RETREG1: variants seen among roughly 807,000 people sequenced by gnomAD.
RETREG1 encodes the protein family with sequence similarity 134 member B.
A neutral mutation model predicts 54.8 loss-of-function variants in RETREG1; 44 were observed. That is an observed-to-expected ratio of 0.80 (90% CI 0.63 to 1.03). The LOEUF is 1.03. Among genes scored for constraint, RETREG1 ranks in the 50% least tolerant of loss-of-function variants. The probability of loss-of-function intolerance (pLI) is 0.00; values close to 1 mark genes in which losing one functional copy is unlikely to be tolerated. For missense variants in RETREG1, 554 were observed against 605.1 expected, an observed-to-expected ratio of 0.92 and a Z score of 0.89; for synonymous variants, 217 against 238.5, an observed-to-expected ratio of 0.91 and a Z score of 0.83.
At chr5:16,535,644 T>G (rs1741045068) in intron 3 of RETREG1, among the ~76,000 whole-genome samples, 1 of 145,390 alleles carries the variant, frequency 6.9e-6, no homozygotes, top group Non-Finnish European at 1.5e-5. Context: ...CTGGGGTTCC[T>G]GTGTGCACGC....
At chr5:16,518,786 T>TGAAAGAATACAA (rs1740440314) in intron 3 of RETREG1, among the ~76,000 whole-genome samples, 1 of 152,106 alleles carries the variant, frequency 6.6e-6, no homozygotes. Context: ...ATGTGTTGGC[T>TGAAAGAATACAA]GAAAGAATAC....
intron 1 of RETREG1, among the ~76,000 whole-genome samples, chr5:16,592,759 T>TAG (rs1273805372): frequency 6.6e-6 from 1 of 151,726 alleles, no homozygotes; most frequent in Non-Finnish European, 1.5e-5. Flanking sequence ...TGGATGGAGC[T>TAG]AGAGGCCATT....
intron 3 of RETREG1, among the ~76,000 whole-genome samples, chr5:16,485,939 G>T (rs1484885604): frequency 1.3e-5 from 2 of 152,000 alleles, no homozygotes; most frequent in East Asian, 1.9e-4. Flanking sequence ...AACACTATTT[G>T]CTGGAAAGAA....
At position 16,565,660 on chromosome 5, in the gene RETREG1, G is replaced by T. The variant is rs1741984739; in HGVS notation, c.458+103C>A. On this transcript the variant is annotated intron_variant, in intron 3 of 8. Transcript: ENST00000306320. The stretch of plus-strand genomic sequence containing the variant: ...CTCTGGTAAATTACTCTTGGATTTA[G>T]ATTCCTGTCACTAAAATTCTATTTC... The T allele has an allele frequency of 4.8e-6, 6 of 1,244,906 alleles. No individual in the cohort carries two copies. In the South Asian group the frequency reaches 5.0e-5, roughly 10 times the overall value. 77.1% of individuals were successfully genotyped at this position (1,244,906 alleles called of 1,614,324 possible). A position where few individuals can be genotyped will look rare whatever the true frequency, so the allele number is the denominator to read the frequency against.
intron 3 of RETREG1, among the ~76,000 whole-genome samples, chr5:16,496,055 A>G (rs1356248782): frequency 6.6e-6 from 1 of 152,136 alleles, no homozygotes; most frequent in Non-Finnish European, 1.5e-5. Flanking sequence ...CAGAAGTCAA[A>G]CCCAAGTAAA....
chr5:16,534,741 A>G (rs1741005860), intron 3 of RETREG1, among the ~76,000 whole-genome samples: 2 of 152,344 alleles, frequency 1.3e-5, no homozygotes, highest in Non-Finnish European at 2.9e-5. Context: ...TAAGAAGAGA[A>G]GCCCCCCTCA....
chr5:16,556,353 G>T (rs946343957), intron 3 of RETREG1, among the ~76,000 whole-genome samples: 1 of 151,872 alleles, frequency 6.6e-6, no homozygotes, highest in East Asian at 1.9e-4. Flanking sequence ...GTAGAGACGG[G>T]GTTTCACTGT....
Position 16,474,779 on chromosome 5 carries a change from ACTT to A in RETREG1, c.1453_1455del (p.Lys485del), listed in dbSNP as rs758081460. On this transcript the variant is annotated inframe_deletion, in exon 9 of 9. Transcript: ENST00000306320. ...AGCAGATTTGAAAGGAAACCTGAAG[ACTT>A]CTTATTTTGCTGTGCTTCTGCTTCC... 3.7e-5 allele frequency: 60 copies of A among 1,612,196 alleles called. No homozygotes were observed. In the African/African-American group the frequency reaches 7.5e-4, roughly 20 times the overall value.
At chr5:16,514,182 G>C (rs1024667190) in intron 3 of RETREG1, among the ~76,000 whole-genome samples, 3 of 152,146 alleles carry the variant, frequency 2.0e-5, no homozygotes, top group Admixed American at 1.3e-4. Flanking sequence ...GCTTTTGCTT[G>C]ATTTATGGGG....
chr5:16,517,626 T>A (rs1740401751), intron 3 of RETREG1, among the ~76,000 whole-genome samples: 1 of 152,086 alleles, frequency 6.6e-6, no homozygotes, highest in South Asian at 2.1e-4. Context: ...CACCTCAGAC[T>A]CCATGCTGCG....
intron 3 of RETREG1, among the ~76,000 whole-genome samples, chr5:16,522,831 C>T (rs1740578063): frequency 6.6e-6 from 1 of 152,006 alleles, no homozygotes; most frequent in Admixed American, 6.6e-5. Context: ...ATAGTGGGAC[C>T]TTATCTCTTC....
chr5:16,548,811 G>C (rs1741455461), intron 3 of RETREG1, among the ~76,000 whole-genome samples: 2 of 152,224 alleles, frequency 1.3e-5, no homozygotes, highest in East Asian at 1.9e-4. Flanking sequence ...TCAGACACCA[G>C]GGTGGTGAGG....
intron 8 of RETREG1, 68 bp from the exon 9 acceptor site, chr5:16,475,302 A>C (rs1738489992): frequency 1.9e-6 from 3 of 1,561,728 alleles, no homozygotes; most frequent in Non-Finnish European, 8.7e-7. Context: ...GTGCTGTCTA[A>C]AGATATCTGA....
chr5:16,525,481 C>T (rs1740686445), intron 3 of RETREG1, among the ~76,000 whole-genome samples: 1 of 152,144 alleles, frequency 6.6e-6, no homozygotes, highest in African/African-American at 2.4e-5. Flanking sequence ...AGGTTCTTCA[C>T]AGTGAATGAA....
intron 3 of RETREG1, among the ~76,000 whole-genome samples, chr5:16,487,926 G>T (rs890114147): frequency 1.3e-4 from 20 of 152,198 alleles, no homozygotes; most frequent in Admixed American, 1.1e-3. Context: ...ACATTGGGAG[G>T]TCTGGCCAAA....
intron 1 of RETREG1, among the ~76,000 whole-genome samples, chr5:16,610,847 G>A (rs548007394): frequency 1.7e-4 from 26 of 152,244 alleles, no homozygotes; most frequent in Admixed American, 5.9e-4. Context: ...AGTCAGTGTG[G>A]CGATTCCTCA....
At chr5:16,551,489 A>G (rs1472474285) in intron 3 of RETREG1, among the ~76,000 whole-genome samples, 2 of 152,058 alleles carry the variant, frequency 1.3e-5, no homozygotes, top group Non-Finnish European at 2.9e-5. Context: ...TTTTTCATCA[A>G]ACCTTCTTAT....
chr5:16,608,203 C>T (rs566171886), intron 1 of RETREG1, among the ~76,000 whole-genome samples: 4 of 152,216 alleles, frequency 2.6e-5, no homozygotes, highest in African/African-American at 9.6e-5. Context: ...TTTAAATAGC[C>T]CCACCTTATT....
At chr5:16,578,707 A>G (rs967040250) in intron 1 of RETREG1, among the ~76,000 whole-genome samples, 2 of 152,188 alleles carry the variant, frequency 1.3e-5, no homozygotes, top group Non-Finnish European at 2.9e-5. Context: ...GCAGCATTCA[A>G]TTTCCGGCAG....
Sources: gnomAD v4.1 joint callset for allele counts (sites outside exome capture counted in the v4.1 genomes callset) on GRCh38, gnomAD v4.1.1 for gene constraint, MANE v1.5 for transcripts, NCBI Gene and HGNC (gene_info 2026-07-23, HGNC 2026-07-21) for gene names.